Variants in PPP4R1 observed in about 807,000 individuals in gnomAD.
The protein encoded by PPP4R1 is serine/threonine-protein phosphatase 4 regulatory subunit 1.
In PPP4R1, 42 loss-of-function variants were observed where a neutral mutation model predicts 111.2. The ratio of observed to expected loss-of-function variants is 0.38; its 90% CI spans 0.29 to 0.49. PPP4R1 has a LOEUF of 0.49. PPP4R1 is among the 20% of genes least tolerant of loss of function. PPP4R1 has a pLI of 0.97. For synonymous variants in PPP4R1, 409 were observed against 405.5 expected (o/e 1.01, Z -0.10); for missense variants, 1,012 against 1,161.6 (o/e 0.87, Z 1.87).
Position 9,549,123 on chromosome 18 carries a change from T to G in PPP4R1, c.2689+74A>C. On this transcript the variant is annotated intron_variant, in intron 19 of 19. Transcript: ENST00000400556. Reference sequence around the variant, plus strand: ...TGAGCAGACAATACTTCTGCTTTGATATCTGCTGATCCAGTGCAGTCCACA... The same window carrying G: ...TGAGCAGACAATACTTCTGCTTTGAGATCTGCTGATCCAGTGCAGTCCACA... 7.9e-6 allele frequency: 12 copies of G among 1,518,820 alleles called. No homozygotes were observed. In the South Asian group the frequency reaches 1.4e-4, roughly 17 times the overall value. 94.1% of individuals were successfully genotyped at this position (1,518,820 alleles called of 1,614,324 possible).
At chr18:9,616,333 C>T (rs761001669), upstream of PPP4R1, among the ~76,000 whole-genome samples, 3 of 151,498 alleles carry the variant, frequency 2.0e-5, no homozygotes, top group Non-Finnish European at 2.9e-5. Context: ...TGCAGTGGCA[C>T]AATCATGACT....
chr18:9,596,660 G>A (rs1446079962), intron 2 of PPP4R1, among the ~76,000 whole-genome samples: 2 of 152,112 alleles, frequency 1.3e-5, no homozygotes, highest in African/African-American at 4.8e-5. Context: ...CCTCCCAAAT[G>A]TTGCTATATG....
At position 9,557,189 on chromosome 18, in the gene PPP4R1, T is replaced by C. The variant is rs758389137; in HGVS notation, c.2190+32A>G. On this transcript the variant is annotated intron_variant, in intron 15 of 19. Transcript: ENST00000400556. ...GATTTAGATTACGGCAGAATTTTGT[T>C]GTGTTTTTATGCAAAAAAATTTAAA... 2.0e-6 allele frequency: 3 copies of C among 1,532,424 alleles called. No homozygotes were observed. In the African/African-American group the frequency reaches 4.3e-5, roughly 22 times the overall value. 94.9% of individuals were successfully genotyped at this position (1,532,424 alleles called of 1,614,324 possible).
chr18:9,562,011 C>A lies in PPP4R1; in HGVS notation c.1811G>T (p.Ser604Ile), dbSNP rs765826360. The A allele has an allele frequency of 1.2e-6, 2 of 1,612,970 alleles. No homozygotes were observed. Among genetic ancestry groups the A allele is most frequent in the Non-Finnish European group, 1.7e-6 (2 of 1,179,120 alleles). ...TTTAGTTCTCCTTTCCTCATCAGGG[C>A]TAAAACTGCTATTGTTGCTCAAGTC... is the stretch of plus-strand genomic sequence containing the variant. The part of the protein sequence containing the change: ...DSDLSNNSSF[S>I]PDEERRTKVQ... Residue 604 changes from serine (S) to isoleucine (I), a missense_variant, in exon 13 of 20, where the codon AGC becomes ATC. Ser to Ile is a moderately radical substitution (Grantham distance 142, BLOSUM62 -2). This residue lies in a region of PPP4R1 where 707 missense variants were observed against 742.1 expected (regional missense o/e 0.95). Coordinates refer to ENST00000400556, the MANE Select transcript of PPP4R1 (RefSeq NM_001042388.3).
At chr18:9,602,149 G>A (rs1479631767) in intron 2 of PPP4R1, among the ~76,000 whole-genome samples, 1 of 152,034 alleles carries the variant, frequency 6.6e-6, no homozygotes, top group African/African-American at 2.4e-5. Context: ...GCAGTTCCCT[G>A]AATCTAACAC....
chr18:9,608,550 A>C (rs2067523652), intron 2 of PPP4R1, among the ~76,000 whole-genome samples: 1 of 152,244 alleles, frequency 6.6e-6, no homozygotes, highest in Non-Finnish European at 1.5e-5. Flanking sequence ...TGATGTCACC[A>C]GCTCAAAGAT....
At chr18:9,589,551 A>G (rs1453805039) in intron 4 of PPP4R1, among the ~76,000 whole-genome samples, 2 of 152,210 alleles carry the variant, frequency 1.3e-5, no homozygotes, top group South Asian at 2.1e-4. Context: ...TAAATGTTCA[A>G]TCTTGAGGTG....
chr18:9,572,161 T>C (rs1017150843), intron 10 of PPP4R1, among the ~76,000 whole-genome samples: 7 of 152,102 alleles, frequency 4.6e-5, no homozygotes, highest in Non-Finnish European at 1.0e-4. Flanking sequence ...CCACGTTGGG[T>C]TCTAGGTGGT....
rs182678880 is a variant in PPP4R1 at position 9,550,331 on chromosome 18, G to A, written c.2359C>T (p.Leu787=). 3.3e-5 allele frequency: 54 copies of A among 1,613,124 alleles called. No individual in the cohort carries two copies. In the African/African-American group the frequency reaches 6.5e-4, roughly 20 times the overall value. ...DVYDYLRPIA[L]NLCADKVSSV... ...GAAACTTTGTCTGCACACAGATTCA[G>A]AGCAATGGGACGTAAATAGTCATAA... The change falls in exon 17 of 20, where the codon CTG becomes TTG. Residue 787 remains leucine (L), a synonymous_variant. Coordinates refer to ENST00000400556, the MANE Select transcript of PPP4R1 (RefSeq NM_001042388.3).
intron 2 of PPP4R1, among the ~76,000 whole-genome samples, chr18:9,596,040 G>C (rs2067284841): frequency 6.6e-6 from 1 of 152,058 alleles, no homozygotes; most frequent in African/African-American, 2.4e-5. Context: ...ATAAAGTGAA[G>C]ACAATGAATA....
intron 10 of PPP4R1, among the ~76,000 whole-genome samples, chr18:9,574,817 G>T (rs769135566): frequency 3.9e-5 from 6 of 152,212 alleles, no homozygotes; most frequent in Non-Finnish European, 8.8e-5. Flanking sequence ...TTTGTTAAAC[G>T]AGGGTATGGA....
intron 2 of PPP4R1, among the ~76,000 whole-genome samples, chr18:9,599,350 C>T (rs1247878715): frequency 6.6e-6 from 1 of 152,076 alleles, no homozygotes; most frequent in Non-Finnish European, 1.5e-5. Flanking sequence ...AAGAAACACA[C>T]ATACACCAAA....
Position 9,562,711 on chromosome 18 carries a change from C to T in PPP4R1, c.1747-636G>A, listed in dbSNP as rs2066698200. 2.0e-5 allele frequency among the ~76,000 whole-genome samples: 3 copies of T among 152,162 alleles called. No homozygotes were observed. In the South Asian group the frequency reaches 6.2e-4, roughly 32 times the overall value. ...TCCCCAGTGTGTGCAGGTACTCTTT[C>T]CTGAGCTTCTCATTCAAGCCACTAT... On this transcript the variant is annotated intron_variant, in intron 12 of 19. Coordinates refer to ENST00000400556, the MANE Select transcript of PPP4R1 (RefSeq NM_001042388.3).
chr18:9,615,172 A>T (rs1379674232), upstream of PPP4R1: 1 of 152,268 alleles, frequency 6.6e-6, no homozygotes, highest in African/African-American at 2.4e-5. Context: ...TGGTTGACTG[A>T]CAAAGTCATG....
chr18:9,615,612 C>T (rs72951459), upstream of PPP4R1, among the ~76,000 whole-genome samples: 1,659 of 152,302 alleles, frequency 0.011, 19 homozygotes, highest in Admixed American at 0.028. Context: ...GGTTTTCCGA[C>T]ACGATTCTAC....
At chr18:9,563,882 G>A (rs2066718830) in intron 11 of PPP4R1, 1 of 176,560 alleles carries the variant, frequency 5.7e-6, no homozygotes, top group African/African-American at 2.4e-5. Context: ...CTATGTTTTG[G>A]TAGTGCATGA....
At chr18:9,563,743 C>T (rs2066716832) in intron 11 of PPP4R1, 193 bp from the exon 12 acceptor site, 2 of 460,860 alleles carry the variant, frequency 4.3e-6, no homozygotes, top group East Asian at 3.5e-5. Flanking sequence ...AACTAATATG[C>T]TTTCATGAGA....
chr18:9,594,645 T>C (rs1387693782), intron 3 of PPP4R1: 2 of 174,550 alleles, frequency 1.1e-5, no homozygotes, highest in Non-Finnish European at 2.4e-5. Context: ...TGCTGGCTCT[T>C]GGTCACTGCT....
chr18:9,558,699 G>GCTTTTT (rs10686779), intron 14 of PPP4R1, among the ~76,000 whole-genome samples: 3 of 148,098 alleles, frequency 2.0e-5, no homozygotes, highest in Non-Finnish European at 1.5e-5. Context: ...TAATCAGACT[G>GCTTTTT]TTTTTTTTTT....
Sources: gnomAD v4.1 joint callset for allele counts (sites outside exome capture counted in the v4.1 genomes callset) on GRCh38, gnomAD v4.1.1 for gene constraint, gnomAD v4.1.1 regional missense constraint, MANE v1.5 for transcripts, NCBI Gene and HGNC (gene_info 2026-07-23, HGNC 2026-07-21) for gene names.